Variants in PTPRD observed in about 807,000 individuals in gnomAD.
PTPRD encodes receptor-type tyrosine-protein phosphatase delta.
PTPRD carries 34 observed loss-of-function variants against 214.5 expected under a neutral mutation model. That is an observed-to-expected ratio of 0.16 (90% CI 0.12 to 0.21). The LOEUF (loss-of-function observed/expected upper bound fraction) is 0.21. Among genes scored for constraint, PTPRD ranks in the 10% least tolerant of loss-of-function variants. PTPRD has a pLI of 1.00. For missense variants in PTPRD, 2,545 were observed against 2,398.7 expected (o/e 1.06, Z -1.27); for synonymous variants, 1,128 against 845.7 (o/e 1.33, Z -5.79).
At chr9:8,787,479 G>A (rs1214875430) in intron 11 of PTPRD, among the ~76,000 whole-genome samples, 5 of 151,976 alleles carry the variant, frequency 3.3e-5, no homozygotes, top group East Asian at 1.9e-4. Context: ...TATAATTTGT[G>A]CCTTTTTCTA....
chr9:10,333,768 T>G (rs2096794063), intron 3 of PTPRD, among the ~76,000 whole-genome samples: 1 of 151,876 alleles, frequency 6.6e-6, no homozygotes, highest in Non-Finnish European at 1.5e-5. Flanking sequence ...AAAGTCTTAT[T>G]TCTTCTCCTG....
At chr9:10,469,544 G>C (rs746074797) in intron 2 of PTPRD, among the ~76,000 whole-genome samples, 8 of 151,978 alleles carry the variant, frequency 5.3e-5, no homozygotes, top group Admixed American at 2.0e-4. Flanking sequence ...CTAAAGTTCA[G>C]AGAACACAGT....
intron 5 of PTPRD, among the ~76,000 whole-genome samples, chr9:9,933,446 G>T (rs1442026331): frequency 3.3e-5 from 5 of 151,726 alleles, no homozygotes; most frequent in Admixed American, 1.3e-4. Flanking sequence ...TGATAAAACA[G>T]ACTTTAAACC....
rs187940683 is a variant in PTPRD, at chr9:9,450,536, T to C, written c.-236-53054A>G. On this transcript the variant is annotated intron_variant, in intron 8 of 45. Transcript: ENST00000381196. The stretch of plus-strand genomic sequence containing the variant: ...GCTATTTTTCTTAATCAGGAATATA[T>C]ACCAGAATTACTTTTGGAGTTTGTT... 2.6e-5 allele frequency among the ~76,000 whole-genome samples: 4 copies of C among 151,976 alleles called. No homozygotes were observed. The East Asian group carries it at 5.8e-4, about 22-fold the overall frequency.
chr9:8,433,066 A>G (rs984499030), intron 35 of PTPRD, among the ~76,000 whole-genome samples: 2 of 152,248 alleles, frequency 1.3e-5, no homozygotes, highest in African/African-American at 2.4e-5. Context: ...TGCAACTGAG[A>G]TTGCTTGAGT....
At chr9:9,322,945 T>G (rs558175301) in intron 9 of PTPRD, among the ~76,000 whole-genome samples, 1 of 152,188 alleles carries the variant, frequency 6.6e-6, no homozygotes, top group Non-Finnish European at 1.5e-5. Context: ...TTTTTAAAAA[T>G]GTCTATTCTG....
chr9:9,787,759 T>A, intron 5 of PTPRD, among the ~76,000 whole-genome samples: 1 of 145,882 alleles, frequency 6.9e-6, no homozygotes, highest in East Asian at 2.0e-4. Flanking sequence ...GAACAACGTA[T>A]ATCAATTTTT....
At chr9:8,345,276 G>T (rs757337992) in intron 39 of PTPRD, among the ~76,000 whole-genome samples, 4 of 152,026 alleles carry the variant, frequency 2.6e-5, no homozygotes, top group Non-Finnish European at 4.4e-5. Flanking sequence ...CTTGGGAACT[G>T]CCCTGAAGTC....
At chr9:8,632,825 T>C (rs149378677) in intron 14 of PTPRD, among the ~76,000 whole-genome samples, 2 of 152,008 alleles carry the variant, frequency 1.3e-5, no homozygotes, top group Non-Finnish European at 2.9e-5. Context: ...AAATAAAAAA[T>C]GTATTTTTTT....
chr9:9,124,999 T>G (rs2099826231), intron 10 of PTPRD, among the ~76,000 whole-genome samples: 1 of 152,214 alleles, frequency 6.6e-6, no homozygotes, highest in South Asian at 2.1e-4. Flanking sequence ...CTTCCTTTTC[T>G]GTCTTCCTGC....
At chr9:10,560,793 G>A (rs2063766283) in intron 2 of PTPRD, among the ~76,000 whole-genome samples, 1 of 152,054 alleles carries the variant, frequency 6.6e-6, no homozygotes, top group Non-Finnish European at 1.5e-5. Flanking sequence ...TAGTTCCTCT[G>A]TCACACTAAC....
At chr9:8,639,815 T>C (rs939850667) in intron 12 of PTPRD, among the ~76,000 whole-genome samples, 2 of 152,214 alleles carry the variant, frequency 1.3e-5, no homozygotes, top group African/African-American at 4.8e-5. Flanking sequence ...ATCTTATTTC[T>C]AAATGGAGTG....
chr9:9,099,426 T>G (rs2099788241), intron 10 of PTPRD, among the ~76,000 whole-genome samples: 1 of 152,196 alleles, frequency 6.6e-6, no homozygotes, highest in African/African-American at 2.4e-5. Flanking sequence ...AATAAGTGTC[T>G]GTGGACTGTA....
intron 7 of PTPRD, among the ~76,000 whole-genome samples, chr9:9,608,316 A>T (rs1285101875): frequency 6.6e-6 from 1 of 152,166 alleles, no homozygotes; most frequent in Non-Finnish European, 1.5e-5. Context: ...TACAATTTTA[A>T]AGCCTCTGGT....
At chr9:8,995,134 AT>A (rs1301947348) in intron 11 of PTPRD, among the ~76,000 whole-genome samples, 2 of 152,030 alleles carry the variant, frequency 1.3e-5, no homozygotes, top group African/African-American at 4.8e-5. Flanking sequence ...TATAACTGGC[AT>A]TTTTTTAAAA....
intron 14 of PTPRD, among the ~76,000 whole-genome samples, chr9:8,536,057 T>C (rs1246227030): frequency 6.6e-6 from 1 of 151,464 alleles, no homozygotes; most frequent in Non-Finnish European, 1.5e-5. Context: ...ATGGTATCAT[T>C]ATCATTTTTT....
At chr9:9,107,268 C>G (rs1173847643) in intron 10 of PTPRD, among the ~76,000 whole-genome samples, 2 of 152,098 alleles carry the variant, frequency 1.3e-5, no homozygotes, top group Non-Finnish European at 1.5e-5. Context: ...TGCTGCCACA[C>G]TAAATTCTGC....
chr9:10,153,252 A>G (rs1417822048), intron 3 of PTPRD, among the ~76,000 whole-genome samples: 2 of 152,080 alleles, frequency 1.3e-5, no homozygotes, highest in African/African-American at 4.8e-5. Flanking sequence ...ATACATCACA[A>G]TATCACATTG....
chr9:9,681,155 C>A (rs2097060639), intron 7 of PTPRD, among the ~76,000 whole-genome samples: 1 of 151,766 alleles, frequency 6.6e-6, no homozygotes, highest in Non-Finnish European at 1.5e-5. Flanking sequence ...TCACTTGAAT[C>A]TGGGATACCT....
Sources: allele counts gnomAD v4.1 joint callset (sites outside exome capture counted in the v4.1 genomes callset), GRCh38; gene constraint gnomAD v4.1.1; transcripts MANE v1.5; gene names NCBI Gene and HGNC (gene_info 2026-07-23, HGNC 2026-07-21).